Variants in UBE2Q2 observed in about 807,000 individuals in gnomAD.
UBE2Q2 encodes ubiquitin-conjugating enzyme E2 Q2.
In UBE2Q2, 54 loss-of-function variants were observed where a neutral mutation model predicts 59.9. That is an observed-to-expected ratio of 0.90 (90% CI 0.72 to 1.13). The LOEUF is 1.13. Ranked by LOEUF, UBE2Q2 falls within the 50% of genes most tolerant of loss-of-function variation. The pLI, the probability that UBE2Q2 is intolerant of heterozygous loss-of-function variation, is 0.00. For missense variants in UBE2Q2, 433 were observed against 441.9 expected (o/e 0.98, Z 0.18); for synonymous variants, 165 against 155.2 (o/e 1.06, Z -0.47).
chr15:75,854,620 TTG>T, intron 2 of UBE2Q2, 133 bp downstream of exon 2: 1 of 561,198 alleles, frequency 1.8e-6, no homozygotes, highest in Non-Finnish European at 2.9e-6. Context: ...ACTAGTTTGT[TTG>T]TTTTTTTTCC....
chr15:75,861,765 A>G (rs1277296133), intron 3 of UBE2Q2, among the ~76,000 whole-genome samples: 5 of 152,222 alleles, frequency 3.3e-5, no homozygotes, highest in Non-Finnish European at 7.3e-5. Flanking sequence ...ACTTAATGGC[A>G]TAAAACAACA....
intron 1 of UBE2Q2, chr15:75,844,267 T>C (rs1896196978): frequency 6.5e-7 from 1 of 1,530,760 alleles, no homozygotes. Flanking sequence ...CCCTTAAGTT[T>C]TAACGCCTCA....
chr15:75,878,546 A>T (rs1187701843), intron 7 of UBE2Q2, among the ~76,000 whole-genome samples: 1 of 145,590 alleles, frequency 6.9e-6, no homozygotes, highest in East Asian at 2.1e-4. Context: ...GCAGTGAGTC[A>T]CGATCGTATC....
At chr15:75,862,312 C>T (rs955709401) in intron 3 of UBE2Q2, among the ~76,000 whole-genome samples, 1 of 151,858 alleles carries the variant, frequency 6.6e-6, no homozygotes, top group African/African-American at 2.4e-5. Context: ...ATTTTTGTTC[C>T]ATGGTTGTAT....
At chr15:75,893,105 A>G (rs565692730) in intron 11 of UBE2Q2, among the ~76,000 whole-genome samples, 1 of 152,286 alleles carries the variant, frequency 6.6e-6, no homozygotes, top group Admixed American at 6.5e-5. Flanking sequence ...AAGTGAGAGA[A>G]ATAGAAGTTG....
At chr15:75,889,597 A>T (rs57429900) in intron 9 of UBE2Q2, among the ~76,000 whole-genome samples, 1 of 152,176 alleles carries the variant, frequency 6.6e-6, no homozygotes, top group Non-Finnish European at 1.5e-5. Flanking sequence ...AGGGAAAGGC[A>T]TGGGCAGAGC....
intron 1 of UBE2Q2, among the ~76,000 whole-genome samples, chr15:75,846,605 C>G (rs958023983): frequency 6.6e-6 from 1 of 152,022 alleles, no homozygotes; most frequent in African/African-American, 2.4e-5. Flanking sequence ...AGGGAAAGAT[C>G]AAGGGAAAAA....
rs1435361748 is a variant in UBE2Q2, at chr15:75,864,624, AG to A, written c.388-4325del. On this transcript the variant is annotated intron_variant, in intron 3 of 12. Transcript: ENST00000267938. ...GTAGATTCTAAAAAAAAAAAAAAAAAGGATCGCTTCATGTATACTTCTAAGC... is the reference window on the plus strand; with the variant it reads ...GTAGATTCTAAAAAAAAAAAAAAAAAGATCGCTTCATGTATACTTCTAAGC... Among the ~76,000 whole-genome samples the A allele has an allele frequency of 1.5e-3, 229 of 150,850 alleles. 2 individuals are homozygous for A. Among genetic ancestry groups the A allele is most frequent in the Middle Eastern group, 0.01 (3 of 294 alleles).
At chr15:75,844,841 A>G (rs1896246092) in intron 1 of UBE2Q2, among the ~76,000 whole-genome samples, 1 of 151,962 alleles carries the variant, frequency 6.6e-6, no homozygotes, top group Admixed American at 6.6e-5. Context: ...CTTGTTTTTA[A>G]CTCCCTTTGG....
At chr15:75,866,969 C>T (rs749261396) in intron 3 of UBE2Q2, among the ~76,000 whole-genome samples, 1 of 152,192 alleles carries the variant, frequency 6.6e-6, no homozygotes, top group Non-Finnish European at 1.5e-5. Flanking sequence ...TTTTCTTCAG[C>T]TCTCTGGTGA....
At position 75,869,060 on chromosome 15, in the gene UBE2Q2, C is replaced by T. The variant is rs774064801; in HGVS notation, c.447+50C>T. The T allele has an allele frequency of 9.5e-6, 14 of 1,473,500 alleles. 2 individuals are homozygous for T. The South Asian group carries it at 1.7e-4, about 18-fold the overall frequency. 91.3% of individuals were successfully genotyped at this position (1,473,500 alleles called of 1,614,324 possible). On this transcript the variant is annotated intron_variant, in intron 4 of 12. Coordinates refer to ENST00000267938, the MANE Select transcript of UBE2Q2 (RefSeq NM_173469.4). ...GTTCATAAATTTCTTCATTTTTGAA[C>T]ATTTGAGTAATTCTCAAATCTTTTT... is the stretch of plus-strand genomic sequence containing the variant.
At chr15:75,849,525 A>G (rs1379278439) in intron 1 of UBE2Q2, among the ~76,000 whole-genome samples, 2 of 152,254 alleles carry the variant, frequency 1.3e-5, no homozygotes, top group African/African-American at 2.4e-5. Flanking sequence ...TTACTTCTAA[A>G]TAAGACAAAA....
intron 3 of UBE2Q2, among the ~76,000 whole-genome samples, chr15:75,864,995 A>G (rs561654919): frequency 6.6e-6 from 1 of 152,338 alleles, no homozygotes; most frequent in Non-Finnish European, 1.5e-5. Flanking sequence ...TCACATTGCC[A>G]TACTATTAAA....
chr15:75,844,713 G>C (rs1381556887), intron 1 of UBE2Q2: 7 of 400,722 alleles, frequency 1.7e-5, no homozygotes, highest in Non-Finnish European at 3.2e-5. Context: ...GTATCGTGAA[G>C]CTATTCGTCG....
At chr15:75,863,009 T>C (rs1897275013) in intron 3 of UBE2Q2, among the ~76,000 whole-genome samples, 1 of 152,118 alleles carries the variant, frequency 6.6e-6, no homozygotes. Flanking sequence ...CTGTGTTCTT[T>C]TGCCTGAGGT....
rs187732417 is a variant in UBE2Q2 at position 75,853,602 on chromosome 15, G to T, written c.181-784G>T. Among the ~76,000 whole-genome samples the T allele has an allele frequency of 2.4e-3, 365 of 152,082 alleles. 1 individual carries two copies. The highest frequency in any genetic ancestry group is 8.5e-3 in the African/African-American group (353 of 41,460). Reference sequence around the variant, plus strand: ...TAGATTAAAACATTAGAATTTTATGGTATTTGAATTACTTTTCTATTGCTC... The same window carrying T: ...TAGATTAAAACATTAGAATTTTATGTTATTTGAATTACTTTTCTATTGCTC... On this transcript the variant is annotated intron_variant, in intron 1 of 12. Transcript: ENST00000267938.
At chr15:75,879,214 T>C (rs775281059) in intron 8 of UBE2Q2, 26 bp downstream of exon 8, 7 of 1,383,988 alleles carry the variant, frequency 5.1e-6, no homozygotes, top group African/African-American at 2.9e-5. Flanking sequence ...CAGGACCCCA[T>C]ATACTTCCAG....
intron 3 of UBE2Q2, among the ~76,000 whole-genome samples, chr15:75,865,754 A>G (rs1489425707): frequency 6.7e-6 from 1 of 148,850 alleles, no homozygotes; most frequent in Non-Finnish European, 1.5e-5. Context: ...TCCTTGTATT[A>G]TGTGTCCTGC....
At chr15:75,867,944 A>G (rs1331244481) in intron 3 of UBE2Q2, among the ~76,000 whole-genome samples, 3 of 152,216 alleles carry the variant, frequency 2.0e-5, no homozygotes, top group African/African-American at 7.2e-5. Flanking sequence ...TCCATTTTCC[A>G]TTAGTTTTTA....
Sources: gnomAD v4.1 joint callset for allele counts (sites outside exome capture counted in the v4.1 genomes callset) on GRCh38, gnomAD v4.1.1 for gene constraint, MANE v1.5 for transcripts, NCBI Gene and HGNC (gene_info 2026-07-23, HGNC 2026-07-21) for gene names.